Variants in CSF3R observed in about 807,000 individuals in gnomAD.
The protein encoded by CSF3R is colony stimulating factor 3 receptor.
CSF3R carries 52 observed loss-of-function variants against 84.4 expected under a neutral mutation model. That is an observed-to-expected ratio of 0.62 (90% CI 0.49 to 0.78). The LOEUF (loss-of-function observed/expected upper bound fraction) is 0.78, where lower values mean the gene tolerates loss of function less well. Among genes scored for constraint, CSF3R ranks in the 30% least tolerant of loss-of-function variants. CSF3R has a pLI of 0.00. For synonymous variants in CSF3R, 384 were observed against 429.1 expected (o/e 0.89, Z 1.30); for missense variants, 890 against 1,055.7 (o/e 0.84, Z 2.17).
intron 1 of CSF3R, among the ~76,000 whole-genome samples, chr1:36,482,308 G>T (rs1023768533): frequency 7.3e-5 from 11 of 150,206 alleles, no homozygotes; most frequent in East Asian, 4.7e-4. Flanking sequence ...GAGTGGGCGG[G>T]GGGGGGGCAC....
In CSF3R at chr1:36,466,330, G is replaced by A. The variant is rs1420741218; in HGVS notation, c.*27C>T. 1 of 1,612,210 alleles carries A rather than the reference G, an allele frequency of 6.2e-7. No homozygotes were observed. Among genetic ancestry groups the A allele is most frequent in the South Asian group, 1.1e-5 (1 of 90,938 alleles). ...AGCTAGCTCAGGCCTTTAAGAGGCA[G>A]GCCCAAGAAGGGAACCCCAGGAAGC... On this transcript the variant is annotated 3_prime_UTR_variant, in exon 17 of 17. Coordinates refer to ENST00000373106, the MANE Select transcript of CSF3R (RefSeq NM_000760.4). The surrounding 1 kb of genome is among the most constrained non-coding windows in gnomAD (Gnocchi z 4.6).
intron 3 of CSF3R, among the ~76,000 whole-genome samples, chr1:36,478,026 G>A (rs1213274845): frequency 2.7e-5 from 4 of 150,102 alleles, no homozygotes; most frequent in East Asian, 4.1e-4. Flanking sequence ...CCAAAGTGCT[G>A]GGATTACAGG....
rs761734033 is a variant in CSF3R, at chr1:36,467,941, G to A, written c.1745C>T (p.Ser582Phe). 1 of 1,614,132 alleles carries A rather than the reference G, an allele frequency of 6.2e-7. No individual in the cohort carries two copies. The highest frequency in any genetic ancestry group is 1.3e-5 in the African/African-American group (1 of 74,960). ...QSFSAILNAS[S>F]RGFVLHGLEP... is the part of the protein sequence containing the mutation. ...CAGGCCATGGAGGACAAAGCCACGG[G>A]AGGAGGCATTCAGGATGGCGGCTGG... Residue 582 changes from serine (S) to phenylalanine (F), a missense_variant, in exon 14 of 17, where the codon TCC becomes TTC. Coordinates refer to ENST00000373106, the MANE Select transcript of CSF3R (RefSeq NM_000760.4). The surrounding 1 kb of genome is among the most constrained non-coding windows in gnomAD (Gnocchi z 4.1).
intron 4 of CSF3R, 147 bp from the exon 5 acceptor site, chr1:36,474,034 TG>T (rs1650960507): frequency 8.0e-7 from 1 of 1,251,468 alleles, no homozygotes; most frequent in African/African-American, 1.5e-5. Context: ...AGAGTGGCTC[TG>T]GAAGGGCAGC....
intron 3 of CSF3R, chr1:36,477,775 T>A (rs897398065): frequency 6.6e-6 from 1 of 151,938 alleles, no homozygotes; most frequent in Non-Finnish European, 1.5e-5. Context: ...TCTTTTTTTT[T>A]TTTGAGACGG....
intron 9 of CSF3R, 92 bp from the exon 10 acceptor site, chr1:36,471,738 G>T (rs1416930185): frequency 7.6e-7 from 1 of 1,313,460 alleles, no homozygotes; most frequent in African/African-American, 1.5e-5. Flanking sequence ...TCATACAAAC[G>T]GAGCCTCCCC....
rs1650395783 is a variant in CSF3R, at chr1:36,467,406, C to G, written c.1959-95G>C. On this transcript the variant is annotated intron_variant, in intron 15 of 16. Coordinates refer to ENST00000373106, the MANE Select transcript of CSF3R (RefSeq NM_000760.4). The surrounding 1 kb of genome is among the most constrained non-coding windows in gnomAD (Gnocchi z 4.1). ...CCCCACCTGAAGAGGTGCAGCTGCC[C>G]TTAGTGCAGAGAGAAGAAGCTGGGG... The G allele has an allele frequency of 1.4e-5, 20 of 1,439,910 alleles. No homozygotes were observed. Among genetic ancestry groups the G allele is most frequent in the Middle Eastern group, 2.0e-4 (1 of 5,090 alleles). The allele number at this position is 1,439,910 out of a possible 1,614,324, so 89.2% of individuals were successfully genotyped here.
rs1650797035 is a variant in CSF3R, at chr1:36,472,224, C to T, written c.997+14G>A. 6 of 1,614,066 alleles carry T rather than the reference C, an allele frequency of 3.7e-6. No individual in the cohort carries two copies. The highest frequency in any genetic ancestry group is 1.3e-5 in the African/African-American group (1 of 74,918). ...ATACTGTTGGCTGCTCCCAGCCTCT[C>T]ATCACCTCCTTACCCCGTTCGGTAG... On this transcript the variant is annotated intron_variant, in intron 8 of 16. Coordinates refer to ENST00000373106, the MANE Select transcript of CSF3R (RefSeq NM_000760.4). The surrounding 1 kb of genome is among the most constrained non-coding windows in gnomAD (Gnocchi z 5.0).
Position 36,467,135 on chromosome 1 carries a change from C to T in CSF3R, c.2040+95G>A. 7.1e-7 allele frequency: 1 copy of T among 1,414,912 alleles called. No homozygotes were observed. Among genetic ancestry groups the T allele is most frequent in the Admixed American group, 1.7e-5 (1 of 58,810 alleles). 87.6% of individuals were successfully genotyped at this position (1,414,912 alleles called of 1,614,324 possible). A position where few individuals can be genotyped will look rare whatever the true frequency, so the allele number is the denominator to read the frequency against. On this transcript the variant is annotated intron_variant, in intron 16 of 16. Transcript: ENST00000373106. The surrounding 1 kb of genome is among the most constrained non-coding windows in gnomAD (Gnocchi z 4.1). ...AGGGACGAGATGTTGCCGGAAGTGA[C>T]AGGAAGGCCTGAGTACTTGGCTTCA...
rs150616658 is a variant in CSF3R at position 36,472,663 on chromosome 1, G to C, written c.697C>G (p.Arg233Gly). 3 of 1,604,816 alleles carry C rather than the reference G, an allele frequency of 1.9e-6. No homozygotes were observed. Among genetic ancestry groups the C allele is most frequent in the Admixed American group, 1.7e-5 (1 of 59,460 alleles). ...GCTTCAGGGCTGGGGTCCATGGTCC[G>C]CAGCATGGGGGGCTCCAGTTTCACT... ...DVVKLEPPML[R>G]TMDPSPEAAP... Residue 233 changes from arginine to glycine, a missense_variant, in exon 7 of 17, where the codon CGG becomes GGG. Coordinates refer to ENST00000373106, the MANE Select transcript of CSF3R (RefSeq NM_000760.4). The surrounding 1 kb of genome is among the most constrained non-coding windows in gnomAD (Gnocchi z 5.0).
rs1299652284 is a variant in CSF3R at position 36,467,856 on chromosome 1, G to A, written c.1830C>T (p.Asn610=). The A allele has an allele frequency of 2.5e-6, 4 of 1,614,154 alleles. No individual in the cohort carries two copies. In the East Asian group the frequency reaches 8.9e-5, roughly 36 times the overall value. The part of the protein sequence containing the change: ...LMAASQAGAT[N]STVLTLMTLT... ...AGGTCATCAGGGTGAGGACTGTACTGTTGGTGGCCCCAGCCTGGCTGGCAG... is the reference window on the plus strand; with the variant it reads ...AGGTCATCAGGGTGAGGACTGTACTATTGGTGGCCCCAGCCTGGCTGGCAG... The change falls in exon 14 of 17, where the codon AAC becomes AAT. Residue 610 remains asparagine, a synonymous_variant. Coordinates refer to ENST00000373106, the MANE Select transcript of CSF3R (RefSeq NM_000760.4). This position sits in a 1 kb window ranked among gnomAD's most constrained non-coding sequence, Gnocchi z 4.1.
In CSF3R at chr1:36,475,536, CT is replaced by C. The variant is rs1334004567; in HGVS notation, c.201del (p.Glu68SerfsTer36). On this transcript the variant is annotated frameshift_variant, in exon 4 of 17. Coordinates refer to ENST00000373106, the MANE Select transcript of CSF3R (RefSeq NM_000760.4). LOFTEE classifies it high-confidence loss of function. The stretch of plus-strand genomic sequence containing the variant: ...TGCTGCCTGCCCCCGGGCTGAAGCT[CT>C]GCTCCCAGTCTCCACAGAATCTGTG... ...PEPQILWRLG[A>X]ELQPGGRQQR... is the part of the protein sequence containing the mutation. 1 of 1,614,152 alleles carries C rather than the reference CT, an allele frequency of 6.2e-7. No homozygotes were observed. The highest frequency in any genetic ancestry group is 1.1e-5 in the South Asian group (1 of 91,080).
chr1:36,472,281 C>G lies in CSF3R; in HGVS notation c.954G>C (p.Trp318Cys). 6.2e-7 allele frequency: 1 copy of G among 1,614,212 alleles called. No individual in the cohort carries two copies. The highest frequency in any genetic ancestry group is 8.5e-7 in the Non-Finnish European group (1 of 1,180,034). ...GCTCCAGGCTGGGGCTCCAGTCGCT[C>G]CAGTGGCCAGGCAGGGGCCAGCGGA... ...RCIRWPLPGH[W>C]SDWSPSLELR... is the part of the protein sequence containing the mutation. Residue 318 changes from tryptophan to cysteine, a missense_variant, in exon 8 of 17, where the codon TGG (tryptophan) becomes TGC (cysteine). Coordinates refer to ENST00000373106, the MANE Select transcript of CSF3R (RefSeq NM_000760.4). This position sits in a 1 kb window ranked among gnomAD's most constrained non-coding sequence, Gnocchi z 5.0.
intron 6 of CSF3R, chr1:36,473,047 C>T: frequency 2.5e-6 from 1 of 401,214 alleles, no homozygotes. Flanking sequence ...ATGCCCTTCT[C>T]CTCCTTTAAT....
chr1:36,468,339 CATGCCCAAGCCTCAT>C, intron 12 of CSF3R, 118 bp from the exon 13 acceptor site: 4 of 1,041,128 alleles, frequency 3.8e-6, no homozygotes, highest in Non-Finnish European at 4.1e-6. Context: ...CAAGGGGACT[CATGCCCAAGCCTCAT>C]TTTTCCCAGG....
In CSF3R at chr1:36,466,634, C is replaced by T; in HGVS notation, c.2234G>A (p.Gly745Asp). ...AVSTQPQSQS[G>D]TSDQVLYGQL... is the part of the protein sequence containing the mutation. Reference sequence around the variant, plus strand: ...CCCATAAAGGACCTGATCGCTGGTGCCAGACTGGGATTGGGGCTGGGTGGA... The same window carrying T: ...CCCATAAAGGACCTGATCGCTGGTGTCAGACTGGGATTGGGGCTGGGTGGA... Residue 745 changes from glycine to aspartate, a missense_variant, in exon 17 of 17, where the codon GGC (glycine) becomes GAC (aspartate). By Grantham distance (94) the Gly-to-Asp change is moderately conservative. Transcript: ENST00000373106. The surrounding 1 kb of genome is among the most constrained non-coding windows in gnomAD (Gnocchi z 4.6). The T allele has an allele frequency of 6.2e-7, 1 of 1,614,070 alleles. No homozygotes were observed. Among genetic ancestry groups the T allele is most frequent in the South Asian group, 1.1e-5 (1 of 91,074 alleles).
rs774585905 is a variant in CSF3R, at chr1:36,473,499, C to T, written c.609G>A (p.Val203=). Residue 203 remains valine (V), a synonymous_variant, in exon 6 of 17, where the codon GTG becomes GTA. Transcript: ENST00000373106. ...TGGTCCCCAGCGCATTCTCTGCCTG[C>T]ACCCAGATGCCCATATTCTGGTACA... is the stretch of plus-strand genomic sequence containing the variant. ...LLLYQNMGIW[V]QAENALGTSM... is the part of the protein sequence containing the mutation. The T allele has an allele frequency of 6.2e-7, 1 of 1,614,144 alleles. No homozygotes were observed. The highest frequency in any genetic ancestry group is 8.5e-7 in the Non-Finnish European group (1 of 1,180,048).
At chr1:36,471,802 G>T in intron 9 of CSF3R, 156 bp from the exon 10 acceptor site, 1 of 783,494 alleles carries the variant, frequency 1.3e-6, no homozygotes, top group Non-Finnish European at 2.1e-6. Context: ...GTTCCCTTGT[G>T]CTAGGTTCTA....
chr1:36,466,791 T>C lies in CSF3R; in HGVS notation c.2077A>G (p.Ile693Val), dbSNP rs553543591. 1 of 1,614,140 alleles carries C rather than the reference T, an allele frequency of 6.2e-7. No individual in the cohort carries two copies. Among genetic ancestry groups the C allele is most frequent in the South Asian group, 1.1e-5 (1 of 91,084 alleles). ...FQLPGLGTPPITKLTVLEEDE... is the reference protein window; with the variant it reads ...FQLPGLGTPPVTKLTVLEEDE... ...TCCTCCAGCACTGTGAGCTTGGTGA[T>C]GGGTGGCGTGCCAAGGCCGGGCAGC... The change falls in exon 17 of 17, where the codon ATC becomes GTC. Residue 693 changes from isoleucine to valine, a missense_variant. Coordinates refer to ENST00000373106, the MANE Select transcript of CSF3R (RefSeq NM_000760.4). The surrounding 1 kb of genome is among the most constrained non-coding windows in gnomAD (Gnocchi z 4.6).
Sources: allele counts gnomAD v4.1 joint callset (sites outside exome capture counted in the v4.1 genomes callset), GRCh38; gene constraint gnomAD v4.1.1; non-coding constraint Gnocchi (gnomAD v3.1); transcripts MANE v1.5; gene names NCBI Gene and HGNC (gene_info 2026-07-23, HGNC 2026-07-21).